The following CACNB2 variants were observed in gnomAD, a reference collection of about 807,000 sequenced individuals.
CACNB2 encodes the protein calcium voltage-gated channel auxiliary subunit beta 2.
In CACNB2, 42 loss-of-function variants were observed where a neutral mutation model predicts 73.3. The ratio of observed to expected loss-of-function variants is 0.57; its 90% confidence interval spans 0.45 to 0.74. The LOEUF is 0.74. Ranked by LOEUF, CACNB2 falls within the 30% of genes least tolerant of loss-of-function variation. CACNB2 has a pLI of 0.00. For synonymous variants in CACNB2, 348 were observed against 310.3 expected (o/e 1.12, Z -1.28); for missense variants, 940 against 853.0 (o/e 1.10, Z -1.27).
intron 10 of CACNB2, among the ~76,000 whole-genome samples, chr10:18,530,156 G>A (rs955429435): frequency 1.3e-5 from 2 of 152,144 alleles, no homozygotes; most frequent in African/African-American, 2.4e-5. Flanking sequence ...AATTATGGGA[G>A]CTACAATTCA....
At chr10:18,498,702 G>A (rs2049989413) in intron 4 of CACNB2, 1 of 519,082 alleles carries the variant, frequency 1.9e-6, no homozygotes, top group East Asian at 3.6e-5. Flanking sequence ...GCTCCCTGGG[G>A]CTCTGTGGCC....
chr10:18,482,243 T>C (rs191378489), intron 3 of CACNB2, among the ~76,000 whole-genome samples: 23 of 152,312 alleles, frequency 1.5e-4, no homozygotes, highest in Middle Eastern at 3.4e-3. Flanking sequence ...ACAGGACTTC[T>C]ACATAGTAAG....
chr10:18,249,894 C>T (rs556402760), intron 2 of CACNB2, among the ~76,000 whole-genome samples: 2 of 152,172 alleles, frequency 1.3e-5, no homozygotes, highest in African/African-American at 4.8e-5. Flanking sequence ...TTGTTTTCTC[C>T]TCTGATCCTG....
At chr10:18,276,135 A>G (rs2038277254) in intron 2 of CACNB2, among the ~76,000 whole-genome samples, 1 of 152,248 alleles carries the variant, frequency 6.6e-6, no homozygotes, top group Non-Finnish European at 1.5e-5. Context: ...TTCACATGAT[A>G]TAAAAGATTA....
chr10:18,141,321 T>C lies in CACNB2; in HGVS notation c.120+465T>C, dbSNP rs2030377891. The C allele has an allele frequency of 7.9e-6, 8 of 1,014,538 alleles. No homozygotes were observed. The Middle Eastern group carries it at 9.0e-4, about 114-fold the overall frequency. The allele number at this position is 1,014,538 out of a possible 1,614,324, so 62.8% of individuals were successfully genotyped here. A position where few individuals can be genotyped will look rare whatever the true frequency, so the allele number is the denominator to read the frequency against. ...GGGGTGGGCGTGGGTGTGAGGATGATGGGGTGCAGGTGGGCAGGAGGGGAG... is the reference window on the plus strand; with the variant it reads ...GGGGTGGGCGTGGGTGTGAGGATGACGGGGTGCAGGTGGGCAGGAGGGGAG... On this transcript the variant is annotated intron_variant, in intron 1 of 13. Coordinates refer to ENST00000324631, the MANE Select transcript of CACNB2 (RefSeq NM_201596.3).
chr10:18,396,287 G>C (rs1379262221), intron 2 of CACNB2, among the ~76,000 whole-genome samples: 2 of 152,142 alleles, frequency 1.3e-5, no homozygotes, highest in Non-Finnish European at 2.9e-5. Context: ...GAAGAAACCA[G>C]TAAAGCAGAG....
In CACNB2 at chr10:18,534,129, T is replaced by C. The variant is rs780180841; in HGVS notation, c.1108T>C (p.Leu370=). 1.2e-6 allele frequency: 2 copies of C among 1,613,802 alleles called. No individual in the cohort carries two copies. Among genetic ancestry groups the C allele is most frequent in the African/African-American group, 1.3e-5 (1 of 74,928 alleles). ...RIFELARTLQ[L]VVLDADTINH... ...TTTTGAACTTGCAAGAACATTGCAG[T>C]TGGTGGTCCTTGACGCGGATACAAT... The change falls in exon 11 of 14, where the codon TTG becomes CTG. Residue 370 remains leucine, a synonymous_variant. Coordinates refer to ENST00000324631, the MANE Select transcript of CACNB2 (RefSeq NM_201596.3).
intron 2 of CACNB2, among the ~76,000 whole-genome samples, chr10:18,269,111 G>A (rs908883227): frequency 6.6e-6 from 1 of 152,170 alleles, no homozygotes; most frequent in Non-Finnish European, 1.5e-5. Flanking sequence ...CTACTGAGTT[G>A]ATTTGCACTG....
intron 2 of CACNB2, among the ~76,000 whole-genome samples, chr10:18,310,774 G>C (rs1469154195): frequency 1.3e-5 from 2 of 151,406 alleles, no homozygotes; most frequent in African/African-American, 4.8e-5. Context: ...GTATAGATGG[G>C]GTTTCACCAC....
intron 2 of CACNB2, among the ~76,000 whole-genome samples, chr10:18,178,384 A>G (rs2033710065): frequency 6.6e-6 from 1 of 152,184 alleles, no homozygotes. Flanking sequence ...CTTCTCATTC[A>G]AGAAATGTTG....
intron 2 of CACNB2, among the ~76,000 whole-genome samples, chr10:18,199,626 T>C (rs1353234663): frequency 6.6e-6 from 1 of 152,180 alleles, no homozygotes. Context: ...TCAGATCTTA[T>C]AAGGTATACC....
At chr10:18,456,073 CGTT>C (rs1198874594) in intron 3 of CACNB2, among the ~76,000 whole-genome samples, 1 of 152,156 alleles carries the variant, frequency 6.6e-6, no homozygotes, top group East Asian at 1.9e-4. Context: ...GAACCAGTCT[CGTT>C]GTTGTCAATT....
chr10:18,299,571 C>G (rs1171945421), intron 2 of CACNB2, among the ~76,000 whole-genome samples: 1 of 152,134 alleles, frequency 6.6e-6, no homozygotes, highest in Non-Finnish European at 1.5e-5. Context: ...ATTAGCCAGG[C>G]ATGGTGGCAT....
intron 2 of CACNB2, among the ~76,000 whole-genome samples, chr10:18,291,439 A>T (rs2039065253): frequency 6.6e-6 from 1 of 152,160 alleles, no homozygotes; most frequent in Non-Finnish European, 1.5e-5. Context: ...TTTTCAAGGG[A>T]CTACTCCACT....
intron 2 of CACNB2, among the ~76,000 whole-genome samples, chr10:18,380,230 A>T (rs1212820024): frequency 6.6e-6 from 1 of 152,060 alleles, no homozygotes; most frequent in African/African-American, 2.4e-5. Context: ...AAATATTTTT[A>T]AAATGTTTTT....
Position 18,538,346 on chromosome 10 carries a change from C to A in CACNB2, c.1469C>A (p.Thr490Asn), listed in dbSNP as rs748111227. 17 of 1,613,132 alleles carry A rather than the reference C, an allele frequency of 1.1e-5. No homozygotes were observed. The African/African-American group carries it at 1.1e-4, about 10-fold the overall frequency. Residue 490 changes from threonine (T) to asparagine (N), a missense_variant, in exon 13 of 14, where the codon ACC (threonine) becomes AAC (asparagine). By Grantham distance (65) the Thr-to-Asn change is moderately conservative (BLOSUM62 0). Transcript: ENST00000324631. ...ACTTCAAGTCTGCCTCTTAGCCCCA[C>A]CCTAGCCTCTAATTCACAGGTAAGG... The part of the protein sequence containing the change: ...LATSSLPLSP[T>N]LASNSQGSQG...
intron 3 of CACNB2, among the ~76,000 whole-genome samples, chr10:18,417,473 A>G (rs2045056320): frequency 7.0e-6 from 1 of 142,198 alleles, no homozygotes; most frequent in South Asian, 2.2e-4. Context: ...GGTTCAAGCG[A>G]TTCTCCTGCC....
At chr10:18,236,759 C>A (rs1209988606) in intron 2 of CACNB2, among the ~76,000 whole-genome samples, 1 of 152,190 alleles carries the variant, frequency 6.6e-6, no homozygotes, top group Non-Finnish European at 1.5e-5. Context: ...CATCGGTAAC[C>A]TTGGAAATGC....
chr10:18,196,614 G>A (rs2034637468), intron 2 of CACNB2, among the ~76,000 whole-genome samples: 1 of 152,128 alleles, frequency 6.6e-6, no homozygotes, highest in African/African-American at 2.4e-5. Flanking sequence ...CACTGCACTG[G>A]CCAAAGAAAC....
Sources: gnomAD v4.1 joint callset for allele counts (sites outside exome capture counted in the v4.1 genomes callset) on GRCh38, gnomAD v4.1.1 for gene constraint, MANE v1.5 for transcripts, NCBI Gene and HGNC (gene_info 2026-07-23, HGNC 2026-07-21) for gene names.